Variants in CNTN5 observed in about 807,000 individuals in gnomAD.
CNTN5 encodes the protein contactin-5.
CNTN5 carries 77 observed loss-of-function variants against 129.1 expected under a neutral mutation model. That is an observed-to-expected ratio of 0.60 (90% CI 0.50 to 0.72). The LOEUF (loss-of-function observed/expected upper bound fraction) is 0.72, where lower values mean the gene tolerates loss of function less well. CNTN5 is among the 30% of genes least tolerant of loss of function. The pLI, the probability that CNTN5 is intolerant of heterozygous loss-of-function variation, is 0.00. For synonymous variants in CNTN5, 509 were observed against 465.6 expected (o/e 1.09, Z -1.20); for missense variants, 1,478 against 1,328.8 (o/e 1.11, Z -1.75).
At chr11:99,867,118 G>A (rs565154078) in intron 6 of CNTN5, among the ~76,000 whole-genome samples, 14 of 152,278 alleles carry the variant, frequency 9.2e-5, no homozygotes, top group African/African-American at 3.1e-4. Context: ...CAAAGCTTGT[G>A]TCCTTTCAAC....
intron 2 of CNTN5, among the ~76,000 whole-genome samples, chr11:99,437,420 T>G (rs1161586161): frequency 6.6e-6 from 1 of 152,182 alleles, no homozygotes; most frequent in Non-Finnish European, 1.5e-5. Context: ...TTGTAGAGAC[T>G]AAGAAAGTCT....
intron 3 of CNTN5, among the ~76,000 whole-genome samples, chr11:99,739,696 T>G (rs767833004): frequency 2.0e-5 from 3 of 152,176 alleles, no homozygotes; most frequent in Non-Finnish European, 2.9e-5. Flanking sequence ...GGTCTGAAAT[T>G]CAGATGAGAT....
intron 1 of CNTN5, among the ~76,000 whole-genome samples, chr11:99,061,893 G>T (rs1051584342): frequency 3.3e-5 from 5 of 151,960 alleles, no homozygotes; most frequent in Admixed American, 6.6e-5. Context: ...CTGGGAGGTG[G>T]AGGTGGGAGG....
At chr11:99,774,137 C>T (rs924996049) in intron 3 of CNTN5, among the ~76,000 whole-genome samples, 7 of 151,804 alleles carry the variant, frequency 4.6e-5, no homozygotes, top group South Asian at 2.1e-4. Context: ...TTTAAGTTTT[C>T]GAACCACCCC....
intron 2 of CNTN5, among the ~76,000 whole-genome samples, chr11:99,385,764 A>G (rs543247563): frequency 6.6e-6 from 1 of 152,274 alleles, no homozygotes; most frequent in Admixed American, 6.5e-5. Context: ...TAGCTCAAGG[A>G]TGTCGTCAGA....
At chr11:100,242,901 T>C (rs1949771647) in intron 16 of CNTN5, among the ~76,000 whole-genome samples, 1 of 152,184 alleles carries the variant, frequency 6.6e-6, no homozygotes, top group Admixed American at 6.5e-5. Context: ...GAATAAACAA[T>C]AATCATAGGC....
At chr11:99,865,566 A>G (rs758760133) in intron 6 of CNTN5, among the ~76,000 whole-genome samples, 3 of 152,126 alleles carry the variant, frequency 2.0e-5, no homozygotes, top group Non-Finnish European at 2.9e-5. Flanking sequence ...AATTAATGAT[A>G]TAACTACTTG....
chr11:100,039,257 G>T (rs191990629), intron 9 of CNTN5, among the ~76,000 whole-genome samples: 6 of 152,254 alleles, frequency 3.9e-5, no homozygotes, highest in Admixed American at 2.6e-4. Flanking sequence ...TGAAATTCTA[G>T]GTTGAAAATT....
intron 3 of CNTN5, among the ~76,000 whole-genome samples, chr11:99,667,304 ATT>A (rs869202364): frequency 1.3e-5 from 1 of 79,718 alleles, no homozygotes; most frequent in African/African-American, 3.3e-5. Context: ...CAATTAATAA[ATT>A]TTGTAAATAG....
intron 17 of CNTN5, among the ~76,000 whole-genome samples, chr11:100,263,096 C>A (rs1950237136): frequency 1.3e-5 from 2 of 151,990 alleles, no homozygotes; most frequent in Non-Finnish European, 2.9e-5. Context: ...ATGTGGCTGT[C>A]CAGCAGGGAT....
At chr11:99,450,768 G>GT (rs34146715) in intron 2 of CNTN5, among the ~76,000 whole-genome samples, 8,478 of 104,904 alleles carry the variant, frequency 0.081, 482 homozygotes, top group African/African-American at 0.12. Flanking sequence ...ATTGAAGCAA[G>GT]TTTTTTTTTT....
intron 3 of CNTN5, among the ~76,000 whole-genome samples, chr11:99,653,109 A>G (rs969246368): frequency 6.6e-6 from 1 of 151,982 alleles, no homozygotes; most frequent in East Asian, 1.9e-4. Context: ...GACAACTTTG[A>G]AAAATAGGGC....
chr11:100,316,243 A>C (rs2138945736), intron 21 of CNTN5, among the ~76,000 whole-genome samples: 1 of 152,326 alleles, frequency 6.6e-6, no homozygotes, highest in Non-Finnish European at 1.5e-5. Context: ...AGACAAAGTA[A>C]ATTGTGATAA....
chr11:99,055,093 T>C (rs573514895), intron 1 of CNTN5, among the ~76,000 whole-genome samples: 1 of 152,100 alleles, frequency 6.6e-6, no homozygotes, highest in African/African-American at 2.4e-5. Flanking sequence ...CCCTAGAATT[T>C]CCATTTACGT....
Position 99,216,910 on chromosome 11 carries a change from C to T in CNTN5, c.-209-108436C>T, listed in dbSNP as rs146140799. ...TTAATAATTAAAGTATACGGCCAGG[C>T]GCGGTGACTCATGCCTGTAATCCCA... On this transcript the variant is annotated intron_variant, in intron 1 of 24. Transcript: ENST00000524871. Among the ~76,000 whole-genome samples, 103 of 152,074 alleles carry T rather than the reference C, an allele frequency of 6.8e-4. 2 individuals carry two copies. The East Asian group carries it at 0.019, about 28-fold the overall frequency.
intron 15 of CNTN5, among the ~76,000 whole-genome samples, chr11:100,219,066 G>A (rs1335341504): frequency 6.6e-6 from 1 of 152,128 alleles, no homozygotes. Context: ...CACACAAAAA[G>A]AGAAAATACT....
intron 20 of CNTN5, among the ~76,000 whole-genome samples, chr11:100,307,995 C>G (rs1951391907): frequency 1.3e-5 from 2 of 151,402 alleles, no homozygotes; most frequent in Non-Finnish European, 3.0e-5. Context: ...GTTTTAAGGC[C>G]AAAAGCAACA....
chr11:100,232,558 G>A (rs185975846), intron 16 of CNTN5, among the ~76,000 whole-genome samples: 1 of 152,276 alleles, frequency 6.6e-6, no homozygotes, highest in East Asian at 1.9e-4. Flanking sequence ...AAAATCCTTG[G>A]CTTTTAAGTC....
At chr11:99,242,164 G>A (rs980665403) in intron 1 of CNTN5, among the ~76,000 whole-genome samples, 6 of 152,070 alleles carry the variant, frequency 3.9e-5, no homozygotes, top group African/African-American at 1.4e-4. Flanking sequence ...GTTACTTCTA[G>A]TTATTGGTAG....
Sources: gnomAD v4.1 joint callset for allele counts (sites outside exome capture counted in the v4.1 genomes callset) on GRCh38, gnomAD v4.1.1 for gene constraint, MANE v1.5 for transcripts, NCBI Gene and HGNC (gene_info 2026-07-23, HGNC 2026-07-21) for gene names.